Variants in SCN11A observed in about 807,000 individuals in gnomAD.
SCN11A encodes the protein sodium voltage-gated channel alpha subunit 11.
SCN11A carries 122 observed loss-of-function variants against 162.2 expected under a neutral mutation model. The observed-to-expected ratio is 0.75, with a 90% CI of 0.65 to 0.87. The LOEUF (loss-of-function observed/expected upper bound fraction) is 0.87, where lower values mean the gene tolerates loss of function less well. Ranked by LOEUF, SCN11A falls within the 40% of genes least tolerant of loss-of-function variation. SCN11A has a pLI of 0.00. For missense variants in SCN11A, 2,015 were observed against 2,181.6 expected (o/e 0.92, Z 1.52); for synonymous variants, 758 against 751.5 (o/e 1.01, Z -0.14).
chr3:38,962,698 A>G (rs781165250), intron 2 of SCN11A, among the ~76,000 whole-genome samples: 31 of 152,184 alleles, frequency 2.0e-4, no homozygotes, highest in Non-Finnish European at 4.1e-4. Context: ...AAACACAAAA[A>G]TTAGCTGGGC....
At chr3:38,978,013 T>C (rs2066859448) in intron 2 of SCN11A, among the ~76,000 whole-genome samples, 1 of 152,232 alleles carries the variant, frequency 6.6e-6, no homozygotes, top group Admixed American at 6.5e-5. Flanking sequence ...TCACTGATTG[T>C]CTATGATGTG....
intron 2 of SCN11A, among the ~76,000 whole-genome samples, chr3:39,012,643 G>C (rs2031180034): frequency 6.6e-6 from 1 of 152,030 alleles, no homozygotes; most frequent in Non-Finnish European, 1.5e-5. Context: ...ACCGTACCCA[G>C]CTAATTTTTG....
At chr3:38,945,792 T>C (rs1044039933) in intron 6 of SCN11A, among the ~76,000 whole-genome samples, 5 of 152,238 alleles carry the variant, frequency 3.3e-5, no homozygotes, top group East Asian at 1.9e-4. Flanking sequence ...GTGCAATTCA[T>C]GCTCCAGAGT....
intron 1 of SCN11A, among the ~76,000 whole-genome samples, chr3:39,046,131 G>A (rs1417054490): frequency 2.0e-5 from 3 of 152,074 alleles, no homozygotes; most frequent in Non-Finnish European, 4.4e-5. Context: ...GTGGTGGCAC[G>A]GGCCTGTAAT....
rs1050521607 is a variant in SCN11A, at chr3:38,903,942, T to C, written c.1765A>G (p.Ile589Val). The C allele has an allele frequency of 5.1e-5, 83 of 1,613,980 alleles. No individual in the cohort carries two copies. The highest frequency in any genetic ancestry group is 6.8e-5 in the Non-Finnish European group (80 of 1,179,980). ...TCCATGGCCAAGAAGACAGTGTTGATGATGATGCAGATGGTGATGGCCAGC... is the reference window on the plus strand; with the variant it reads ...TCCATGGCCAAGAAGACAGTGTTGACGATGATGCAGATGGTGATGGCCAGC... ...TELAITICIIINTVFLAMEHH... is the reference protein window; with the variant it reads ...TELAITICIIVNTVFLAMEHH... The change falls in exon 16 of 30, where the codon ATC becomes GTC. Residue 589 changes from isoleucine to valine, a missense_variant. Transcript: ENST00000302328.
intron 1 of SCN11A, among the ~76,000 whole-genome samples, chr3:39,049,195 G>A (rs2032258907): frequency 6.6e-6 from 1 of 152,246 alleles, no homozygotes; most frequent in African/African-American, 2.4e-5. Context: ...CTACAGGACA[G>A]TATCAAAAAG....
chr3:38,953,544 T>C (rs1257181282), intron 4 of SCN11A, among the ~76,000 whole-genome samples, 85 bp downstream of exon 4: 1 of 152,156 alleles, frequency 6.6e-6, no homozygotes, highest in Non-Finnish European at 1.5e-5. Flanking sequence ...GGGGATGATC[T>C]AATGACATGC....
intron 14 of SCN11A, 147 bp from the exon 15 acceptor site, chr3:38,905,468 ATATTCAGTTTTCT>A (rs1030913823): frequency 2.9e-5 from 24 of 822,780 alleles, no homozygotes; most frequent in Non-Finnish European, 4.0e-5. Context: ...AGCATGCCAA[ATATTCAGTTTTCT>A]TATTTCATGT....
At chr3:39,013,484 C>G (rs2031205004) in intron 2 of SCN11A, among the ~76,000 whole-genome samples, 1 of 151,878 alleles carries the variant, frequency 6.6e-6, no homozygotes, top group African/African-American at 2.4e-5. Context: ...TTGGCTGAAC[C>G]CAGCCAGAAG....
intron 2 of SCN11A, among the ~76,000 whole-genome samples, chr3:38,971,092 G>T (rs564573075): frequency 1.3e-5 from 2 of 152,156 alleles, no homozygotes; most frequent in African/African-American, 4.8e-5. Context: ...GTGTCCCTGA[G>T]AGCTCAGCTG....
At chr3:39,034,673 T>A (rs2031855825) in intron 1 of SCN11A, among the ~76,000 whole-genome samples, 1 of 152,224 alleles carries the variant, frequency 6.6e-6, no homozygotes, top group Non-Finnish European at 1.5e-5. Flanking sequence ...AGTCAAATTA[T>A]CTTTGTTTGC....
chr3:38,847,405 G>A lies in SCN11A; in HGVS notation c.4665C>T (p.Ser1555=). ...TTGATCGCAGCATGGGGCTGAGCAG[G>A]GAATCCCAACCTGCTGATGTGCTTA... The part of the protein sequence containing the change: ...FQISTSAGWD[S]LLSPMLRSKE... Residue 1555 remains serine (S), a synonymous_variant, in exon 30 of 30, where the codon TCC becomes TCT. Transcript: ENST00000302328. 6.2e-7 allele frequency: 1 copy of A among 1,614,168 alleles called. No homozygotes were observed. Among genetic ancestry groups the A allele is most frequent in the African/African-American group, 1.3e-5 (1 of 75,062 alleles).
At chr3:38,892,756 T>G (rs2065521141) in intron 19 of SCN11A, among the ~76,000 whole-genome samples, 1 of 152,050 alleles carries the variant, frequency 6.6e-6, no homozygotes, top group Non-Finnish European at 1.5e-5. Flanking sequence ...GAGCTATATA[T>G]GAGTAATATT....
intron 2 of SCN11A, among the ~76,000 whole-genome samples, chr3:38,964,071 C>T (rs1026773091): frequency 5.9e-5 from 9 of 152,352 alleles, no homozygotes; most frequent in African/African-American, 2.2e-4. Flanking sequence ...CAGGACTTTT[C>T]TGTCCTGTGG....
intron 27 of SCN11A, among the ~76,000 whole-genome samples, chr3:38,863,596 C>T (rs2064999218): frequency 6.6e-6 from 1 of 152,012 alleles, no homozygotes. Flanking sequence ...TATATTTCAG[C>T]TTGCATAAAT....
chr3:38,935,032 C>T (rs1430231863), intron 7 of SCN11A, among the ~76,000 whole-genome samples: 1 of 152,044 alleles, frequency 6.6e-6, no homozygotes, highest in Non-Finnish European at 1.5e-5. Flanking sequence ...AACTGTCTCT[C>T]GGACCACAGT....
At chr3:39,020,226 T>G (rs953249635) in intron 2 of SCN11A, among the ~76,000 whole-genome samples, 2 of 152,220 alleles carry the variant, frequency 1.3e-5, no homozygotes, top group Admixed American at 1.3e-4. Flanking sequence ...AAAGTTTCTA[T>G]TTGGGAAAAT....
chr3:38,915,190 T>A (rs1428422599), intron 11 of SCN11A, among the ~76,000 whole-genome samples: 3 of 152,170 alleles, frequency 2.0e-5, no homozygotes, highest in Non-Finnish European at 4.4e-5. Context: ...TTCTTCCCAG[T>A]TCAGTCTTGG....
chr3:39,008,765 C>A (rs1196065733), intron 2 of SCN11A, among the ~76,000 whole-genome samples: 1 of 151,964 alleles, frequency 6.6e-6, no homozygotes, highest in African/African-American at 2.4e-5. Context: ...TGCCTGTAGT[C>A]CCAGCTACTC....
Sources: gnomAD v4.1 joint callset for allele counts (sites outside exome capture counted in the v4.1 genomes callset) on GRCh38, gnomAD v4.1.1 for gene constraint, MANE v1.5 for transcripts, NCBI Gene and HGNC (gene_info 2026-07-23, HGNC 2026-07-21) for gene names.